Variants in NT5C2 observed in about 807,000 individuals in gnomAD.
NT5C2 encodes cytosolic purine 5'-nucleotidase.
NT5C2 carries 58 observed loss-of-function variants against 76.1 expected under a neutral mutation model. That is an observed-to-expected ratio of 0.76 (90% CI 0.62 to 0.95). NT5C2 has a LOEUF of 0.95. Ranked by LOEUF, NT5C2 falls within the 40% of genes least tolerant of loss-of-function variation. The pLI, the probability that NT5C2 is intolerant of heterozygous loss-of-function variation, is 0.00. For synonymous variants in NT5C2, 229 were observed against 237.4 expected (o/e 0.96, Z 0.32); for missense variants, 478 against 690.3 (o/e 0.69, Z 3.45).
intron 1 of NT5C2, among the ~76,000 whole-genome samples, chr10:103,187,077 C>G (rs972854544): frequency 2.6e-5 from 4 of 151,824 alleles, no homozygotes; most frequent in Non-Finnish European, 5.9e-5. Flanking sequence ...AGGGCAAAAC[C>G]TGTCTCTACT....
At chr10:103,105,391 AAAG>A in intron 6 of NT5C2, 2 of 956,156 alleles carry the variant, frequency 2.1e-6, no homozygotes, top group Non-Finnish European at 1.4e-6. Context: ...ACTGTATTAG[AAAG>A]AAGAAAATAA....
At chr10:103,141,640 T>C (rs2080442995) in intron 3 of NT5C2, among the ~76,000 whole-genome samples, 1 of 152,164 alleles carries the variant, frequency 6.6e-6, no homozygotes, top group Non-Finnish European at 1.5e-5. Context: ...CCCCATAAAA[T>C]AAGATTACTT....
chr10:103,106,261 T>C (rs1214345518), intron 5 of NT5C2, among the ~76,000 whole-genome samples: 1 of 152,172 alleles, frequency 6.6e-6, no homozygotes, highest in African/African-American at 2.4e-5. Flanking sequence ...TTAAGTGTAT[T>C]AGAGAAACAC....
At chr10:103,107,306 G>A (rs943492419) in intron 4 of NT5C2, among the ~76,000 whole-genome samples, 2 of 152,082 alleles carry the variant, frequency 1.3e-5, no homozygotes, top group Non-Finnish European at 2.9e-5. Flanking sequence ...TATTTTGCAG[G>A]TTATTATTGT....
chr10:103,155,127 T>G (rs997500234), intron 3 of NT5C2, among the ~76,000 whole-genome samples: 1 of 152,194 alleles, frequency 6.6e-6, no homozygotes, highest in Non-Finnish European at 1.5e-5. Context: ...GTGTGCCAGA[T>G]ACCAGTGATA....
rs546656326 is a variant in NT5C2 at position 103,180,496 on chromosome 10, C to T, written c.-25+689G>A. Among the ~76,000 whole-genome samples the T allele has an allele frequency of 7.2e-5, 11 of 152,244 alleles. No homozygotes were observed. The South Asian group carries it at 2.3e-3, about 32-fold the overall frequency. On this transcript the variant is annotated intron_variant, in intron 2 of 18. Transcript: ENST00000404739. ...CCTCTAATCCCAACACTTTGGGAGGCCAAGATGGGTGGATTGCTTGAACCC... is the reference window on the plus strand; with the variant it reads ...CCTCTAATCCCAACACTTTGGGAGGTCAAGATGGGTGGATTGCTTGAACCC...
Position 103,174,846 on chromosome 10 carries a change from C to T in NT5C2, c.101+12G>A. On this transcript the variant is annotated intron_variant, in intron 3 of 18. Coordinates refer to ENST00000404739, the MANE Select transcript of NT5C2 (RefSeq NM_001351169.2). ...AGAGGGGTTTTGAGGATTAAATAGA[C>T]AAAATACTTACCGATGATAGGCTTC... 1.9e-6 allele frequency: 3 copies of T among 1,584,246 alleles called. No homozygotes were observed. Among genetic ancestry groups the T allele is most frequent in the Non-Finnish European group, 2.6e-6 (3 of 1,153,800 alleles).
chr10:103,192,746 G>T (rs561516313), intron 1 of NT5C2, among the ~76,000 whole-genome samples: 91 of 152,350 alleles, frequency 6.0e-4, no homozygotes, highest in African/African-American at 2.0e-3. Context: ...GAGGAGCTCT[G>T]GGGGCGGGGA....
chr10:103,126,377 A>C (rs1043740167), intron 4 of NT5C2, among the ~76,000 whole-genome samples: 2 of 152,214 alleles, frequency 1.3e-5, no homozygotes, highest in African/African-American at 4.8e-5. Flanking sequence ...TAATCCCAGC[A>C]CTTTGGGAGG....
intron 15 of NT5C2, among the ~76,000 whole-genome samples, 167 bp from the exon 16 acceptor site, chr10:103,091,782 A>AT (rs1485159055): frequency 6.6e-6 from 1 of 152,216 alleles, no homozygotes; most frequent in Non-Finnish European, 1.5e-5. Flanking sequence ...TAACTCACTG[A>AT]TACCTGCTTG....
chr10:103,192,401 T>G (rs2135601195), intron 1 of NT5C2, among the ~76,000 whole-genome samples: 1 of 152,306 alleles, frequency 6.6e-6, no homozygotes, highest in East Asian at 1.9e-4. Context: ...GACAGCAGCC[T>G]CTACCTGCTG....
At chr10:103,093,092 C>A in intron 15 of NT5C2, 47 bp downstream of exon 15, 1 of 1,442,194 alleles carries the variant, frequency 6.9e-7, no homozygotes. Flanking sequence ...TGATTCAAAG[C>A]TGGTCATTTA....
chr10:103,184,535 G>A (rs2091761859), intron 1 of NT5C2, among the ~76,000 whole-genome samples: 1 of 152,174 alleles, frequency 6.6e-6, no homozygotes, highest in South Asian at 2.1e-4. Context: ...TAAGGGAGAG[G>A]AGTGTTTTAT....
chr10:103,191,223 C>G (rs2092612087), intron 1 of NT5C2, among the ~76,000 whole-genome samples: 1 of 151,924 alleles, frequency 6.6e-6, no homozygotes, highest in Non-Finnish European at 1.5e-5. Context: ...GAAACCCCGT[C>G]TCTACAAAAT....
chr10:103,183,291 A>C (rs11191595), intron 1 of NT5C2, among the ~76,000 whole-genome samples: 85 of 128,110 alleles, frequency 6.6e-4, no homozygotes, highest in East Asian at 5.7e-3. Flanking sequence ...ATATATATAT[A>C]TATCACACAC....
chr10:103,143,719 G>C (rs2080994299), intron 3 of NT5C2, among the ~76,000 whole-genome samples: 1 of 148,114 alleles, frequency 6.8e-6, no homozygotes, highest in South Asian at 2.1e-4. Flanking sequence ...ACTTTGGGAG[G>C]CCAAGGTGGG....
At chr10:103,146,605 A>G (rs2081525374) in intron 3 of NT5C2, 1 of 219,598 alleles carries the variant, frequency 4.6e-6, no homozygotes, top group Non-Finnish European at 7.7e-6. Flanking sequence ...TTGAAAACCC[A>G]ATCTCCAAAC....
At chr10:103,168,373 A>G (rs1424181831) in intron 3 of NT5C2, among the ~76,000 whole-genome samples, 1 of 152,234 alleles carries the variant, frequency 6.6e-6, no homozygotes, top group Non-Finnish European at 1.5e-5. Context: ...ACAAACGTAA[A>G]AACTAAATAC....
intron 3 of NT5C2, among the ~76,000 whole-genome samples, chr10:103,168,228 T>G (rs1048649138): frequency 6.6e-6 from 1 of 152,090 alleles, no homozygotes; most frequent in African/African-American, 2.4e-5. Flanking sequence ...AACAAAAAAT[T>G]CACAAGCCTA....
Sources: gnomAD v4.1 joint callset for allele counts (sites outside exome capture counted in the v4.1 genomes callset) on GRCh38, gnomAD v4.1.1 for gene constraint, MANE v1.5 for transcripts, NCBI Gene and HGNC (gene_info 2026-07-23, HGNC 2026-07-21) for gene names.